CNTNAP2: variants seen among roughly 807,000 people sequenced by gnomAD.
CNTNAP2 encodes contactin associated protein 2.
In CNTNAP2, 98 loss-of-function variants were observed where a neutral mutation model predicts 155.2. That is an observed-to-expected ratio of 0.63 (90% CI 0.54 to 0.75). CNTNAP2 has a LOEUF of 0.75. Ranked by LOEUF, CNTNAP2 falls within the 30% of genes least tolerant of loss-of-function variation. The pLI is 0.00. For missense variants in CNTNAP2, 1,727 were observed against 1,688.1 expected (o/e 1.02, Z -0.40); for synonymous variants, 651 against 631.2 (o/e 1.03, Z -0.47).
At chr7:147,758,588 AAT>A (rs1797251740) in intron 13 of CNTNAP2, among the ~76,000 whole-genome samples, 1 of 152,208 alleles carries the variant, frequency 6.6e-6, no homozygotes, top group African/African-American at 2.4e-5. Context: ...TCAGGCCTGT[AAT>A]ACCAGCACTT....
At chr7:147,530,509 A>C (rs934487027) in intron 11 of CNTNAP2, among the ~76,000 whole-genome samples, 3 of 152,148 alleles carry the variant, frequency 2.0e-5, no homozygotes, top group African/African-American at 7.2e-5. Flanking sequence ...AGTGGCAAGA[A>C]AAAATGAAGA....
intron 15 of CNTNAP2, among the ~76,000 whole-genome samples, chr7:148,063,449 T>G (rs1380832005): frequency 1.3e-5 from 2 of 151,980 alleles, no homozygotes; most frequent in African/African-American, 4.8e-5. Context: ...CTTTTTTCTT[T>G]TTTCTTTTCT....
At chr7:146,450,834 T>G (rs1052302016) in intron 1 of CNTNAP2, among the ~76,000 whole-genome samples, 1 of 152,350 alleles carries the variant, frequency 6.6e-6, no homozygotes, top group Admixed American at 6.5e-5. Flanking sequence ...GTAAATTAAG[T>G]AAGCAATTTT....
At chr7:148,415,027 C>T (rs2270069) in intron 23 of CNTNAP2, 186,257 of 333,326 alleles carry the variant, frequency 0.56, 53,581 homozygotes, top group South Asian at 0.63. Context: ...ACTGTGCTTT[C>T]TTGTGCTGCC....
intron 10 of CNTNAP2, among the ~76,000 whole-genome samples, chr7:147,443,293 A>G (rs1054217250): frequency 1.3e-5 from 2 of 152,134 alleles, no homozygotes; most frequent in Non-Finnish European, 2.9e-5. Context: ...CCTTTCTGCT[A>G]TAACAGGACA....
chr7:147,325,011 A>G (rs550952886), intron 9 of CNTNAP2, among the ~76,000 whole-genome samples: 13 of 152,322 alleles, frequency 8.5e-5, no homozygotes, highest in African/African-American at 2.9e-4. Context: ...TTTTAGGAAA[A>G]TAAATGTATA....
chr7:148,302,728 T>C (rs1032816909), intron 21 of CNTNAP2, among the ~76,000 whole-genome samples: 16 of 152,018 alleles, frequency 1.1e-4, no homozygotes, highest in Non-Finnish European at 1.9e-4. Flanking sequence ...CCCATGATTG[T>C]AAGTTTCATG....
intron 18 of CNTNAP2, among the ~76,000 whole-genome samples, chr7:148,196,322 A>C (rs552381289): frequency 6.6e-6 from 1 of 152,328 alleles, no homozygotes; most frequent in South Asian, 2.1e-4. Flanking sequence ...AAATAAATCA[A>C]TCATCTATTA....
rs55950116 is a variant in CNTNAP2, at chr7:147,572,701, AACACACACAC to A, written c.1897+10468_1897+10477del. On this transcript the variant is annotated intron_variant, in intron 12 of 23. Transcript: ENST00000361727. Reference sequence around the variant, plus strand: ...AATCAACTATTCAAACAGGATGGGAAACACACACACACACACACACACACACACACACATG... The same window carrying A: ...AATCAACTATTCAAACAGGATGGGAAACACACACACACACACACACACATG... 4.6e-3 allele frequency among the ~76,000 whole-genome samples: 687 copies of A among 149,088 alleles called. 2 individuals carry two copies. The highest frequency in any genetic ancestry group is 0.011 in the African/African-American group (447 of 40,606).
chr7:146,158,215 A>T (rs1324535792), intron 1 of CNTNAP2, among the ~76,000 whole-genome samples: 1 of 152,228 alleles, frequency 6.6e-6, no homozygotes, highest in East Asian at 1.9e-4. Flanking sequence ...AAGGACACCC[A>T]CACCAAAACC....
At chr7:146,334,328 G>A (rs1801236499) in intron 1 of CNTNAP2, among the ~76,000 whole-genome samples, 1 of 152,040 alleles carries the variant, frequency 6.6e-6, no homozygotes, top group South Asian at 2.1e-4. Flanking sequence ...CTACTCGGGA[G>A]GCTGAGGCAG....
chr7:148,162,472 A>G (rs1805567069), intron 17 of CNTNAP2, among the ~76,000 whole-genome samples: 1 of 152,240 alleles, frequency 6.6e-6, no homozygotes, highest in South Asian at 2.1e-4. Flanking sequence ...GACTGAGCTT[A>G]GGGAAAGTAT....
intron 12 of CNTNAP2, among the ~76,000 whole-genome samples, chr7:147,563,601 C>A (rs1800108962): frequency 6.6e-6 from 1 of 150,846 alleles, no homozygotes; most frequent in African/African-American, 2.4e-5. Flanking sequence ...TGCACTCCAG[C>A]TTGGTGACAG....
intron 15 of CNTNAP2, among the ~76,000 whole-genome samples, chr7:148,060,277 T>C (rs1222292671): frequency 6.6e-6 from 1 of 152,188 alleles, no homozygotes; most frequent in Non-Finnish European, 1.5e-5. Flanking sequence ...GTTTATATTT[T>C]TTTCTCAGTA....
chr7:147,064,697 A>G (rs1389344722), intron 4 of CNTNAP2, among the ~76,000 whole-genome samples: 1 of 152,228 alleles, frequency 6.6e-6, no homozygotes, highest in Non-Finnish European at 1.5e-5. Context: ...TTCAATGTCA[A>G]TATATCCTTA....
At chr7:147,611,295 A>T (rs1362241428) in intron 12 of CNTNAP2, among the ~76,000 whole-genome samples, 2 of 152,192 alleles carry the variant, frequency 1.3e-5, no homozygotes, top group African/African-American at 2.4e-5. Context: ...TCCTTGCTAC[A>T]CAGGTTAGAA....
intron 8 of CNTNAP2, among the ~76,000 whole-genome samples, chr7:147,159,727 A>G (rs1584763114): frequency 1.3e-5 from 2 of 152,228 alleles, no homozygotes; most frequent in Non-Finnish European, 2.9e-5. Flanking sequence ...GTACAAATAA[A>G]TTCCAATTAA....
chr7:148,120,277 T>C (rs1434318739), intron 16 of CNTNAP2, among the ~76,000 whole-genome samples: 1 of 150,196 alleles, frequency 6.7e-6, no homozygotes, highest in Non-Finnish European at 1.5e-5. Context: ...ACTTTTTTCT[T>C]TTTTTTTGAG....
At chr7:146,798,233 G>C (rs111297472) in intron 2 of CNTNAP2, among the ~76,000 whole-genome samples, 2 of 151,602 alleles carry the variant, frequency 1.3e-5, no homozygotes, top group South Asian at 4.2e-4. Flanking sequence ...AGTGGTGATC[G>C]TGCCACTGCA....
Sources: gnomAD v4.1 joint callset for allele counts (sites outside exome capture counted in the v4.1 genomes callset) on GRCh38, gnomAD v4.1.1 for gene constraint, MANE v1.5 for transcripts, NCBI Gene and HGNC (gene_info 2026-07-23, HGNC 2026-07-21) for gene names.